Variants in TMPRSS15 observed in about 807,000 individuals in gnomAD.
The protein encoded by TMPRSS15 is enteropeptidase.
In TMPRSS15, 128 loss-of-function variants were observed where a neutral mutation model predicts 125.3. That is an observed-to-expected ratio of 1.02 (90% CI 0.89 to 1.18). The LOEUF is 1.18. Among genes scored for constraint, TMPRSS15 ranks in the 50% most tolerant of loss-of-function variants. The probability of loss-of-function intolerance (pLI) is 0.00; values close to 1 mark genes in which losing one functional copy is unlikely to be tolerated. For missense variants in TMPRSS15, 1,283 were observed against 1,212.7 expected (o/e 1.06, Z -0.86); for synonymous variants, 446 against 423.2 (o/e 1.05, Z -0.66).
chr21:18,482,084 A>G (rs888637418), intron 1 of TMPRSS15, among the ~76,000 whole-genome samples: 2 of 151,390 alleles, frequency 1.3e-5, no homozygotes, highest in Admixed American at 6.6e-5. Flanking sequence ...CAATTATTTT[A>G]TATACATCTT....
chr21:18,359,629 G>GC, intron 8 of TMPRSS15, 128 bp downstream of exon 8: 2 of 480,416 alleles, frequency 4.2e-6, no homozygotes, highest in Non-Finnish European at 7.5e-6. Context: ...AGAAGCAATT[G>GC]TTTTTTTTTT....
intron 18 of TMPRSS15, among the ~76,000 whole-genome samples, chr21:18,312,214 A>G (rs2075107661): frequency 6.6e-6 from 1 of 152,016 alleles, no homozygotes; most frequent in Non-Finnish European, 1.5e-5. Flanking sequence ...ATTACTGCTC[A>G]TTACTTTCAT....
chr21:18,479,722 A>C (rs1978945414), intron 1 of TMPRSS15, among the ~76,000 whole-genome samples: 1 of 152,060 alleles, frequency 6.6e-6, no homozygotes, highest in Non-Finnish European at 1.5e-5. Context: ...GGCGATCATT[A>C]AAAAGTCAGG....
At chr21:18,430,795 G>C (rs1364253547) in intron 1 of TMPRSS15, among the ~76,000 whole-genome samples, 1 of 152,126 alleles carries the variant, frequency 6.6e-6, no homozygotes, top group African/African-American at 2.4e-5. Context: ...TTCCCTTCTT[G>C]CAGCAGTGGA....
At chr21:18,438,682 C>T (rs1277900763) in intron 1 of TMPRSS15, among the ~76,000 whole-genome samples, 1 of 152,124 alleles carries the variant, frequency 6.6e-6, no homozygotes, top group Non-Finnish European at 1.5e-5. Context: ...ATAAGCTATA[C>T]CTGGCCCTGA....
chr21:18,482,462 A>C (rs144230975), intron 1 of TMPRSS15, among the ~76,000 whole-genome samples: 1 of 151,638 alleles, frequency 6.6e-6, no homozygotes, highest in East Asian at 1.9e-4. Flanking sequence ...TACACAAATG[A>C]TAAACACTCA....
In TMPRSS15 at chr21:18,269,857, A is replaced by G; in HGVS notation, c.*112T>C. ...TAGCATTTCATTGACATAGGTAAGA[A>G]TAAAAACCTTTGGTAACTTTTTAAA... On this transcript the variant is annotated 3_prime_UTR_variant, in exon 25 of 25. Transcript: ENST00000284885. 7.2e-7 allele frequency: 1 copy of G among 1,384,496 alleles called. No individual in the cohort carries two copies. Among genetic ancestry groups the G allele is most frequent in the Non-Finnish European group, 1.0e-6 (1 of 1,001,874 alleles). 85.8% of individuals were successfully genotyped at this position (1,384,496 alleles called of 1,614,324 possible).
chr21:18,394,515 TTCTCTCTCTCTCTCTCTGTC>T (rs992477854), intron 3 of TMPRSS15, among the ~76,000 whole-genome samples: 23 of 148,730 alleles, frequency 1.5e-4, no homozygotes, highest in South Asian at 4.3e-4. Context: ...ATGTATGGCA[TTCTCTCTCTCTCTCTCTGTC>T]TCTCTCTCTC....
intron 13 of TMPRSS15, among the ~76,000 whole-genome samples, chr21:18,340,942 T>A (rs1353085794): frequency 6.6e-6 from 1 of 152,238 alleles, no homozygotes; most frequent in Admixed American, 6.5e-5. Context: ...ACATGTAATA[T>A]TTTGCTAGCC....
chr21:18,312,497 C>T lies in TMPRSS15; in HGVS notation c.2165+448G>A, dbSNP rs554565233. ...AAGATATTTTACAAATTTTGCATAA[C>T]CTCTCCCACTACAATTGTACTTCTA... On this transcript the variant is annotated intron_variant, in intron 18 of 24. Transcript: ENST00000284885. Among the ~76,000 whole-genome samples, 45 of 148,562 alleles carry T rather than the reference C, an allele frequency of 3.0e-4. 3 individuals are homozygous for T. In the South Asian group the frequency reaches 0.011, roughly 35 times the overall value.
chr21:18,270,063 G>T lies in TMPRSS15; in HGVS notation c.2966C>A (p.Thr989Asn), dbSNP rs761295407. The T allele has an allele frequency of 1.7e-5, 28 of 1,613,824 alleles. No homozygotes were observed. The highest frequency in any genetic ancestry group is 2.3e-5 in the Non-Finnish European group (27 of 1,179,914). Residue 989 changes from threonine (T) to asparagine (N), a missense_variant, in exon 25 of 25, where the codon ACC becomes AAC. Transcript: ENST00000284885. ...CAGGGCACACTTGTATCCAAATGAG[G>T]TCACACCAGCAAGGAACCACCTGTT... ...ENNRWFLAGV[T>N]SFGYKCALPN...
chr21:18,391,673 T>C (rs569750543), intron 3 of TMPRSS15, among the ~76,000 whole-genome samples: 1 of 152,202 alleles, frequency 6.6e-6, no homozygotes, highest in Non-Finnish European at 1.5e-5. Flanking sequence ...TCTACCATTC[T>C]GTGGTCTGGA....
chr21:18,371,892 T>A (rs1004947715), intron 6 of TMPRSS15, among the ~76,000 whole-genome samples: 5 of 152,054 alleles, frequency 3.3e-5, no homozygotes, highest in Non-Finnish European at 7.4e-5. Context: ...GCAACACCCA[T>A]CCCCACATTT....
rs1050815544 is a variant in TMPRSS15 at position 18,314,962 on chromosome 21, G to A, written c.2032+184C>T. Among the ~76,000 whole-genome samples, 23 of 152,114 alleles carry A rather than the reference G, an allele frequency of 1.5e-4. 1 individual carries two copies. Among genetic ancestry groups the A allele is most frequent in the Non-Finnish European group, 2.6e-4 (18 of 68,020 alleles). On this transcript the variant is annotated intron_variant, in intron 17 of 24. Coordinates refer to ENST00000284885, the MANE Select transcript of TMPRSS15 (RefSeq NM_002772.3). ...AAACAAACAATAAACTGAGGCCTGCGTATTAACTTTTCTTCTATCCAGATG... is the reference window on the plus strand; with the variant it reads ...AAACAAACAATAAACTGAGGCCTGCATATTAACTTTTCTTCTATCCAGATG...
intron 1 of TMPRSS15, among the ~76,000 whole-genome samples, chr21:18,461,113 T>A (rs1978543147): frequency 6.6e-6 from 1 of 152,090 alleles, no homozygotes; most frequent in African/African-American, 2.4e-5. Flanking sequence ...GACCATCAGG[T>A]TTCCTGACAG....
intron 5 of TMPRSS15, among the ~76,000 whole-genome samples, 172 bp downstream of exon 5, chr21:18,379,111 C>A (rs1010298432): frequency 2.0e-5 from 3 of 152,040 alleles, no homozygotes; most frequent in African/African-American, 7.2e-5. Context: ...ATGTTGTTTA[C>A]TGTGGTGAAA....
At chr21:18,453,013 T>C (rs543215421) in intron 1 of TMPRSS15, among the ~76,000 whole-genome samples, 33 of 152,322 alleles carry the variant, frequency 2.2e-4, no homozygotes, top group Non-Finnish European at 3.7e-4. Context: ...ATTTTAACTA[T>C]AAGGACTGTT....
intron 1 of TMPRSS15, among the ~76,000 whole-genome samples, chr21:18,460,995 G>C (rs1175322479): frequency 6.6e-6 from 1 of 152,040 alleles, no homozygotes; most frequent in Non-Finnish European, 1.5e-5. Context: ...TTTCCCCATA[G>C]AACTGATGTT....
At chr21:18,364,514 G>A (rs1177179360) in intron 7 of TMPRSS15, among the ~76,000 whole-genome samples, 1 of 152,126 alleles carries the variant, frequency 6.6e-6, no homozygotes, top group Admixed American at 6.6e-5. Context: ...ATATCCGGAA[G>A]GAACTTAAGG....
Sources: allele counts gnomAD v4.1 joint callset (sites outside exome capture counted in the v4.1 genomes callset), GRCh38; gene constraint gnomAD v4.1.1; transcripts MANE v1.5; gene names NCBI Gene and HGNC (gene_info 2026-07-23, HGNC 2026-07-21).